DCC: variants seen among roughly 807,000 people sequenced by gnomAD.
DCC encodes DCC netrin 1 receptor, also known as netrin receptor DCC.
DCC carries 58 observed loss-of-function variants against 172.5 expected under a neutral mutation model. The ratio of observed to expected loss-of-function variants is 0.34; its 90% CI spans 0.27 to 0.42. DCC has a LOEUF of 0.42. Ranked by LOEUF, DCC falls within the 10% of genes least tolerant of loss-of-function variation. The pLI, the probability that DCC is intolerant of heterozygous loss-of-function variation, is 1.00. For synonymous variants in DCC, 709 were observed against 644.5 expected (o/e 1.10, Z -1.52); for missense variants, 1,740 against 1,791.0 (o/e 0.97, Z 0.51).
rs182651899 is a variant in DCC, at chr18:53,117,212, G to A, written c.1262-40144G>A. Among the ~76,000 whole-genome samples, 117 of 151,814 alleles carry A rather than the reference G, an allele frequency of 7.7e-4. 1 individual carries two copies. Among genetic ancestry groups the A allele is most frequent in the Non-Finnish European group, 1.0e-3 (70 of 67,786 alleles). ...TCTACATTGGGAGTTATTTTGGCTG[G>A]ATTGCATTGGTCAATATTACCTTTA... On this transcript the variant is annotated intron_variant, in intron 7 of 28. Transcript: ENST00000442544.
At chr18:52,784,728 T>C (rs1244893628) in intron 2 of DCC, among the ~76,000 whole-genome samples, 3 of 152,052 alleles carry the variant, frequency 2.0e-5, no homozygotes, top group African/African-American at 7.2e-5. Context: ...GAAATGTCTA[T>C]TCAGATCGTT....
chr18:52,794,411 T>C (rs2037833304), intron 2 of DCC, among the ~76,000 whole-genome samples: 1 of 152,100 alleles, frequency 6.6e-6, no homozygotes, highest in Admixed American at 6.5e-5. Context: ...TTGGTAGCTA[T>C]TATAAATGAG....
intron 5 of DCC, among the ~76,000 whole-genome samples, chr18:52,953,955 T>C (rs1466215898): frequency 6.6e-6 from 1 of 152,222 alleles, no homozygotes; most frequent in Non-Finnish European, 1.5e-5. Flanking sequence ...ATGGTGATGT[T>C]AGCAACAATT....
chr18:52,654,748 A>G lies in DCC; in HGVS notation c.92-97306A>G, dbSNP rs191350325. On this transcript the variant is annotated intron_variant, in intron 1 of 28. Coordinates refer to ENST00000442544, the MANE Select transcript of DCC (RefSeq NM_005215.4). ...GATTTTGGTGGGGGGATATACAACT[A>G]AAGCTTTAACATACCCCCTCTTCCC... Among the ~76,000 whole-genome samples, 126 of 152,216 alleles carry G rather than the reference A, an allele frequency of 8.3e-4. 1 individual carries two copies. The South Asian group carries it at 0.013, about 16-fold the overall frequency.
At chr18:53,418,325 CT>C (rs1813115250) in intron 21 of DCC, among the ~76,000 whole-genome samples, 1 of 152,122 alleles carries the variant, frequency 6.6e-6, no homozygotes, top group Non-Finnish European at 1.5e-5. Context: ...CAAAATCAGT[CT>C]TCTGAGTTGA....
At chr18:53,038,008 A>G (rs2042119517) in intron 5 of DCC, among the ~76,000 whole-genome samples, 1 of 152,040 alleles carries the variant, frequency 6.6e-6, no homozygotes, top group Non-Finnish European at 1.5e-5. Flanking sequence ...ATCTCACCCT[A>G]GAGATGGACA....
At chr18:52,504,682 T>A (rs948483427) in intron 1 of DCC, among the ~76,000 whole-genome samples, 5 of 152,116 alleles carry the variant, frequency 3.3e-5, no homozygotes, top group African/African-American at 9.7e-5. Context: ...CTCAAAATTA[T>A]GAAAAGTTTA....
At chr18:52,681,669 C>A (rs2035752280) in intron 1 of DCC, among the ~76,000 whole-genome samples, 1 of 151,958 alleles carries the variant, frequency 6.6e-6, no homozygotes, top group Admixed American at 6.6e-5. Context: ...ACAGATGGAC[C>A]CACTGGTAGG....
At chr18:53,526,253 G>T (rs1213171551) in intron 27 of DCC, among the ~76,000 whole-genome samples, 1 of 152,094 alleles carries the variant, frequency 6.6e-6, no homozygotes, top group African/African-American at 2.4e-5. Flanking sequence ...GGCTCATTTA[G>T]GTGGTTTAGC....
chr18:52,915,065 A>G (rs1308787505), intron 3 of DCC, among the ~76,000 whole-genome samples: 1 of 152,184 alleles, frequency 6.6e-6, no homozygotes, highest in Non-Finnish European at 1.5e-5. Context: ...TGAGGAAGAC[A>G]GTTATTAAGT....
At chr18:53,173,662 C>A (rs2055047101) in intron 8 of DCC, among the ~76,000 whole-genome samples, 1 of 151,648 alleles carries the variant, frequency 6.6e-6, no homozygotes, top group African/African-American at 2.4e-5. Flanking sequence ...AATACAGGAG[C>A]ACCAAGATTC....
At chr18:53,065,902 C>G (rs959651050) in intron 6 of DCC, 144 bp from the exon 7 acceptor site, 4 of 910,892 alleles carry the variant, frequency 4.4e-6, no homozygotes, top group Non-Finnish European at 7.1e-6. Context: ...GCATAGGACA[C>G]GTCTGCGAGG....
intron 5 of DCC, among the ~76,000 whole-genome samples, chr18:53,060,280 C>T (rs2042475133): frequency 6.6e-6 from 1 of 152,086 alleles, no homozygotes; most frequent in Non-Finnish European, 1.5e-5. Context: ...GGGATCTGCC[C>T]ACCTCTGCTT....
At chr18:52,996,605 T>A (rs2041483799) in intron 5 of DCC, among the ~76,000 whole-genome samples, 1 of 152,092 alleles carries the variant, frequency 6.6e-6, no homozygotes, top group Non-Finnish European at 1.5e-5. Context: ...CAGTCACTGA[T>A]AATTGCTATC....
At chr18:53,279,738 G>T (rs987988561) in intron 12 of DCC, among the ~76,000 whole-genome samples, 5 of 151,472 alleles carry the variant, frequency 3.3e-5, no homozygotes, top group Non-Finnish European at 5.9e-5. Context: ...TATACACCAT[G>T]GAATACTACA....
At chr18:53,361,766 A>G (rs10502972) in intron 15 of DCC, among the ~76,000 whole-genome samples, 15,989 of 152,240 alleles carry the variant, frequency 0.11, 908 homozygotes, top group Middle Eastern at 0.19. Flanking sequence ...ATGGAATACA[A>G]TGAATACTGC....
At chr18:53,343,728 G>C (rs958261315) in intron 15 of DCC, among the ~76,000 whole-genome samples, 1 of 151,872 alleles carries the variant, frequency 6.6e-6, no homozygotes, top group African/African-American at 2.4e-5. Context: ...GTGTAAAATG[G>C]ATTTTATTTA....
At chr18:53,301,185 G>T (rs1039304104) in intron 12 of DCC, among the ~76,000 whole-genome samples, 3 of 151,302 alleles carry the variant, frequency 2.0e-5, no homozygotes, top group Admixed American at 6.6e-5. Context: ...CACCTTCCGG[G>T]TTCAAGCGAT....
chr18:53,101,063 G>A (rs1568305292), intron 7 of DCC, among the ~76,000 whole-genome samples: 2 of 152,014 alleles, frequency 1.3e-5, no homozygotes, highest in East Asian at 3.9e-4. Flanking sequence ...TGTCTTTTTT[G>A]CTTTCCTAAT....
Sources: allele counts gnomAD v4.1 joint callset (sites outside exome capture counted in the v4.1 genomes callset), GRCh38; gene constraint gnomAD v4.1.1; transcripts MANE v1.5; gene names NCBI Gene and HGNC (gene_info 2026-07-23, HGNC 2026-07-21).